Variants in RBMS3 observed in about 807,000 individuals in gnomAD.
The protein encoded by RBMS3 is RNA binding motif single stranded interacting protein 3.
In RBMS3, 27 loss-of-function variants were observed where a neutral mutation model predicts 66.8. The ratio of observed to expected loss-of-function variants is 0.40; its 90% confidence interval spans 0.30 to 0.56. RBMS3 has a LOEUF of 0.56. Ranked by LOEUF, RBMS3 falls within the 20% of genes least tolerant of loss-of-function variation. RBMS3 has a pLI of 0.40. For missense variants in RBMS3, 513 were observed against 549.5 expected, an observed-to-expected ratio of 0.93 and a Z score of 0.66; for synonymous variants, 188 against 183.0, an observed-to-expected ratio of 1.03 and a Z score of -0.22.
chr3:29,346,309 T>C (rs957231136), intron 1 of RBMS3, among the ~76,000 whole-genome samples: 13 of 152,000 alleles, frequency 8.6e-5, no homozygotes, highest in Non-Finnish European at 5.9e-5. Flanking sequence ...GCCTAAATAA[T>C]AGGACTGAGA....
At chr3:29,758,690 C>T (rs751703711) in intron 5 of RBMS3, among the ~76,000 whole-genome samples, 2 of 152,176 alleles carry the variant, frequency 1.3e-5, no homozygotes, top group Non-Finnish European at 2.9e-5. Context: ...ATTCATTCAT[C>T]TTTGTTTCTG....
intron 14 of RBMS3, among the ~76,000 whole-genome samples, chr3:29,991,896 C>G (rs1698902154): frequency 6.6e-6 from 1 of 152,100 alleles, no homozygotes; most frequent in Non-Finnish European, 1.5e-5. Context: ...AAAATATGGT[C>G]TTATTCAGGA....
chr3:29,913,279 A>G (rs1012820022), intron 10 of RBMS3, among the ~76,000 whole-genome samples: 1 of 152,006 alleles, frequency 6.6e-6, no homozygotes, highest in African/African-American at 2.4e-5. Flanking sequence ...CTATCTTACA[A>G]TAATTACTCA....
chr3:29,889,384 A>G (rs1315954795), intron 8 of RBMS3, among the ~76,000 whole-genome samples: 1 of 151,712 alleles, frequency 6.6e-6, no homozygotes, highest in Non-Finnish European at 1.5e-5. Context: ...TAGTTATGCT[A>G]TTAGTCATAA....
At chr3:29,436,293 A>G (rs1390724663) in intron 2 of RBMS3, among the ~76,000 whole-genome samples, 1 of 152,226 alleles carries the variant, frequency 6.6e-6, no homozygotes, top group East Asian at 1.9e-4. Context: ...CAGATAAACC[A>G]AAATACAAAT....
rs1491449986 is a variant in RBMS3 at position 29,691,950 on chromosome 3, T to TCTCTCTA, written c.400-47770_400-47769insCTCTCTA. Among the ~76,000 whole-genome samples the TCTCTCTA allele has an allele frequency of 1.2e-3, 131 of 110,792 alleles. 2 individuals are homozygous for TCTCTCTA. Among genetic ancestry groups the TCTCTCTA allele is most frequent in the Admixed American group, 2.2e-3 (23 of 10,380 alleles). The allele number at this position is 110,792 out of a possible 152,430, so 72.7% of individuals were successfully genotyped here. A position where few individuals can be genotyped will look rare whatever the true frequency, so the allele number is the denominator to read the frequency against. On this transcript the variant is annotated intron_variant, in intron 4 of 14. Coordinates refer to ENST00000383767, the MANE Select transcript of RBMS3 (RefSeq NM_001003793.3). The stretch of plus-strand genomic sequence containing the variant: ...TGACCCTTCTCTCTCTCTCTCTCTA[T>TCTCTCTA]TTTTTTTTTTTTTTTTTGAGATGGA...
intron 3 of RBMS3, among the ~76,000 whole-genome samples, chr3:29,534,973 G>A (rs939117240): frequency 6.6e-6 from 1 of 151,918 alleles, no homozygotes; most frequent in Admixed American, 6.6e-5. Context: ...GTCAACAATA[G>A]GATATATGGT....
intron 4 of RBMS3, among the ~76,000 whole-genome samples, chr3:29,639,500 A>G (rs1004074499): frequency 3.3e-5 from 5 of 151,808 alleles, no homozygotes; most frequent in Non-Finnish European, 5.9e-5. Context: ...TTCTGCTTCC[A>G]TAGTGTTTGT....
chr3:29,950,170 T>C (rs775528354), intron 12 of RBMS3, among the ~76,000 whole-genome samples: 6 of 151,840 alleles, frequency 4.0e-5, no homozygotes, highest in Non-Finnish European at 8.8e-5. Flanking sequence ...CTGGGATGGC[T>C]GGAGATATGA....
intron 4 of RBMS3, among the ~76,000 whole-genome samples, chr3:29,591,438 G>A (rs1576312845): frequency 6.6e-6 from 1 of 152,196 alleles, no homozygotes; most frequent in Non-Finnish European, 1.5e-5. Context: ...AAAATGGGAA[G>A]CAAGCCTAAA....
intron 1 of RBMS3, among the ~76,000 whole-genome samples, chr3:29,324,261 T>C (rs2035187455): frequency 6.6e-6 from 1 of 152,172 alleles, no homozygotes; most frequent in East Asian, 1.9e-4. Flanking sequence ...AGAGGCACAG[T>C]ATTCTGGTCT....
chr3:29,342,594 T>C (rs1468752005), intron 1 of RBMS3, among the ~76,000 whole-genome samples: 1 of 152,124 alleles, frequency 6.6e-6, no homozygotes, highest in Non-Finnish European at 1.5e-5. Flanking sequence ...GGATAACATA[T>C]AGTATAACGT....
At chr3:29,290,517 C>G (rs993292332) in intron 1 of RBMS3, among the ~76,000 whole-genome samples, 4 of 151,794 alleles carry the variant, frequency 2.6e-5, no homozygotes, top group African/African-American at 9.7e-5. Context: ...GTATCCTGTC[C>G]ATTACCAATG....
In RBMS3 at chr3:29,899,820, T is replaced by C. The variant is rs527878397; in HGVS notation, c.939+65T>C. On this transcript the variant is annotated intron_variant, in intron 10 of 14. Transcript: ENST00000383767. ...TCCAAGTACAAGCTTTTGGAATGCA[T>C]AGAAGCTTTGGGGTAAAGCTTTTGT... The C allele has an allele frequency of 6.0e-6, 9 of 1,501,728 alleles. No individual in the cohort carries two copies. The Admixed American group carries it at 8.7e-5, about 15-fold the overall frequency. 93.0% of individuals were successfully genotyped at this position (1,501,728 alleles called of 1,614,324 possible). A position where few individuals can be genotyped will look rare whatever the true frequency, so the allele number is the denominator to read the frequency against.
intron 4 of RBMS3, among the ~76,000 whole-genome samples, chr3:29,670,899 C>T (rs1336662014): frequency 6.6e-6 from 1 of 152,178 alleles, no homozygotes; most frequent in Non-Finnish European, 1.5e-5. Context: ...TTGAAGAGAG[C>T]ATTGCTTCTC....
At chr3:29,602,931 A>T (rs1218260565) in intron 4 of RBMS3, among the ~76,000 whole-genome samples, 1 of 151,996 alleles carries the variant, frequency 6.6e-6, no homozygotes, top group South Asian at 2.1e-4. Flanking sequence ...CCTTGGGAAA[A>T]TCTTACTGAC....
chr3:29,628,504 T>A (rs1419202278), intron 4 of RBMS3, among the ~76,000 whole-genome samples: 1 of 152,094 alleles, frequency 6.6e-6, no homozygotes, highest in African/African-American at 2.4e-5. Flanking sequence ...TACAGAAAGT[T>A]TGAATGAGTA....
chr3:29,565,485 C>T (rs2046710293), intron 3 of RBMS3, among the ~76,000 whole-genome samples: 1 of 152,126 alleles, frequency 6.6e-6, no homozygotes, highest in African/African-American at 2.4e-5. Flanking sequence ...TTTGTCTCTT[C>T]AAGATGAGCT....
chr3:29,772,593 C>T (rs1034860204), intron 6 of RBMS3, among the ~76,000 whole-genome samples: 1 of 151,798 alleles, frequency 6.6e-6, no homozygotes, highest in Non-Finnish European at 1.5e-5. Context: ...GGCTCACCTC[C>T]GAATGCAGCA....
Sources: allele counts gnomAD v4.1 joint callset (sites outside exome capture counted in the v4.1 genomes callset), GRCh38; gene constraint gnomAD v4.1.1; transcripts MANE v1.5; gene names NCBI Gene and HGNC (gene_info 2026-07-23, HGNC 2026-07-21).